Variants in KRT86 observed in about 807,000 individuals in gnomAD.
KRT86 encodes the protein keratin, type II cuticular Hb6.
A neutral mutation model predicts 41.2 loss-of-function variants in KRT86; 30 were observed. That is an observed-to-expected ratio of 0.73 (90% CI 0.54 to 0.99). KRT86 has a LOEUF of 0.99. Ranked by LOEUF, KRT86 falls within the 50% of genes least tolerant of loss-of-function variation. The pLI is 0.00. For synonymous variants in KRT86, 238 were observed against 238.1 expected, an observed-to-expected ratio of 1.00 and a Z score of 0.00; for missense variants, 561 against 571.4, an observed-to-expected ratio of 0.98 and a Z score of 0.19.
intron 2 of KRT86, chr12:52,286,855 G>A (rs777990155): frequency 1.2e-6 from 2 of 1,612,346 alleles, no homozygotes; most frequent in East Asian, 2.2e-5. Context: ...CAACATTAGT[G>A]ACTGCCCCAG....
chr12:52,299,127 G>A lies in KRT86; in HGVS notation c.-4-2786G>A, dbSNP rs190708085. Among the ~76,000 whole-genome samples, 762 of 152,108 alleles carry A rather than the reference G, an allele frequency of 5.0e-3. 4 individuals are homozygous for A. Among genetic ancestry groups the A allele is most frequent in the Admixed American group, 0.013 (201 of 15,276 alleles). ...TCCCCATTACCCTTCCCAGCCTCTG[G>A]TAACCATCATTCTACTCTCTATCTG... On this transcript the variant is annotated intron_variant, in intron 2 of 10. Coordinates refer to ENST00000423955, the MANE Select transcript of KRT86 (RefSeq NM_001320198.2).
At chr12:52,281,177 C>T (rs1242409824) in intron 2 of KRT86, among the ~76,000 whole-genome samples, 3 of 152,186 alleles carry the variant, frequency 2.0e-5, no homozygotes, top group Non-Finnish European at 4.4e-5. Flanking sequence ...CATTCCCCAG[C>T]CCATTTATAA....
intron 2 of KRT86, among the ~76,000 whole-genome samples, chr12:52,301,422 A>G (rs188432757): frequency 3.9e-5 from 6 of 152,088 alleles, no homozygotes; most frequent in Admixed American, 3.9e-4. Context: ...GCGCCCCCCA[A>G]GTTCCACATC....
intron 2 of KRT86, chr12:52,288,299 T>C: frequency 4.3e-6 from 7 of 1,609,892 alleles, no homozygotes; most frequent in Middle Eastern, 2.0e-4. Flanking sequence ...TGTCCAACAC[T>C]CCCACCCCCA....
At chr12:52,286,774 G>A (rs1289779397) in intron 2 of KRT86, 1 of 1,613,084 alleles carries the variant, frequency 6.2e-7, no homozygotes, top group East Asian at 2.2e-5. Context: ...TGTCCACACT[G>A]GACCCCAAAT....
chr12:52,286,949 C>G, intron 2 of KRT86: 3 of 1,534,798 alleles, frequency 2.0e-6, no homozygotes, highest in Non-Finnish European at 2.7e-6. Context: ...CAGCTTGCCT[C>G]AGACAAACTC....
At chr12:52,284,545 T>C (rs532525925) in intron 2 of KRT86, among the ~76,000 whole-genome samples, 1 of 152,322 alleles carries the variant, frequency 6.6e-6, no homozygotes, top group Non-Finnish European at 1.5e-5. Flanking sequence ...GTTGGAATGA[T>C]TGATCACAAA....
chr12:52,286,398 C>T (rs767992926), intron 2 of KRT86: 13 of 1,554,990 alleles, frequency 8.4e-6, no homozygotes, highest in Admixed American at 3.9e-5. Context: ...GCCACGTTCC[C>T]GTTGCACGGA....
chr12:52,283,815 C>T (rs1937839858), intron 2 of KRT86, among the ~76,000 whole-genome samples: 1 of 151,242 alleles, frequency 6.6e-6, no homozygotes, highest in Admixed American at 6.6e-5. Context: ...TACACTAAGG[C>T]CCAGAGATGG....
At chr12:52,279,450 C>A (rs1937723160) in intron 2 of KRT86, among the ~76,000 whole-genome samples, 1 of 152,164 alleles carries the variant, frequency 6.6e-6, no homozygotes, top group South Asian at 2.1e-4. Context: ...GTAGAGGTGG[C>A]CAGCTTACCT....
chr12:52,305,374 G>T lies in KRT86; in HGVS notation c.870G>T (p.Arg290=). Residue 290 remains arginine, a synonymous_variant, in exon 7 of 11, where the codon CGG becomes CGT. Coordinates refer to ENST00000423955, the MANE Select transcript of KRT86 (RefSeq NM_001320198.2). ...AQYDDIVTRS[R]AEAESWYRSK... is the part of the protein sequence containing the mutation. ...ACGATGACATTGTCACCCGTAGCCG[G>T]GCTGAGGCCGAGTCCTGGTACCGCA... 14 of 1,614,248 alleles carry T rather than the reference G, an allele frequency of 8.7e-6. No homozygotes were observed. Among genetic ancestry groups the T allele is most frequent in the Non-Finnish European group, 1.2e-5 (14 of 1,180,048 alleles).
At chr12:52,274,831 G>A in intron 1 of KRT86, 109 bp downstream of exon 1, 1 of 588,194 alleles carries the variant, frequency 1.7e-6, no homozygotes, top group Non-Finnish European at 2.1e-6. Context: ...AAAAGTTGGG[G>A]GCAGTGGGAA....
chr12:52,285,318 G>T (rs570507692), intron 2 of KRT86, among the ~76,000 whole-genome samples: 1 of 151,164 alleles, frequency 6.6e-6, no homozygotes, highest in Non-Finnish European at 1.5e-5. Context: ...TGAGGAAAAT[G>T]TATCAGCTGT....
intron 2 of KRT86, chr12:52,279,239 C>T (rs760495414): frequency 6.6e-6 from 1 of 152,366 alleles, no homozygotes; most frequent in Non-Finnish European, 1.5e-5. Flanking sequence ...CTTCCCGCCT[C>T]CCTCCGGAGA....
chr12:52,280,869 C>T (rs879656079), intron 2 of KRT86, among the ~76,000 whole-genome samples: 4 of 152,182 alleles, frequency 2.6e-5, no homozygotes, highest in African/African-American at 7.2e-5. Flanking sequence ...ATCATGTCAA[C>T]AAGGGAACTT....
intron 2 of KRT86, among the ~76,000 whole-genome samples, chr12:52,284,008 A>G (rs1373806678): frequency 6.6e-6 from 1 of 152,168 alleles, no homozygotes; most frequent in East Asian, 1.9e-4. Context: ...GGTCAGAGCT[A>G]GAGGGAGAGT....
intron 2 of KRT86, chr12:52,286,401 T>A (rs1937935754): frequency 1.7e-5 from 27 of 1,554,778 alleles, no homozygotes; most frequent in Non-Finnish European, 2.3e-5. Context: ...ACGTTCCCGT[T>A]GCACGGAGCG....
chr12:52,282,619 A>G (rs10876266), intron 2 of KRT86, among the ~76,000 whole-genome samples: 40,293 of 152,174 alleles, frequency 0.26, 6,023 homozygotes, highest in East Asian at 0.4. Context: ...GAGAGTGACC[A>G]TAGGGCAGGA....
chr12:52,286,772 C>G, intron 2 of KRT86: 1 of 1,613,236 alleles, frequency 6.2e-7, no homozygotes, highest in Non-Finnish European at 8.5e-7. Context: ...TCTGTCCACA[C>G]TGGACCCCAA....
Sources: allele counts gnomAD v4.1 joint callset (sites outside exome capture counted in the v4.1 genomes callset), GRCh38; gene constraint gnomAD v4.1.1; transcripts MANE v1.5; gene names NCBI Gene and HGNC (gene_info 2026-07-23, HGNC 2026-07-21).